NELL2: variants seen among roughly 807,000 people sequenced by gnomAD.
The protein encoded by NELL2 is protein kinase C-binding protein NELL2.
Under a neutral mutation model 109.6 loss-of-function variants are expected in NELL2, and 41 were observed. The observed-to-expected ratio is 0.37, with a 90% confidence interval of 0.29 to 0.49. The LOEUF is 0.49. Ranked by LOEUF, NELL2 falls within the 20% of genes least tolerant of loss-of-function variation. The pLI is 0.98. For missense variants in NELL2, 900 were observed against 1,008.3 expected (o/e 0.89, Z 1.45); for synonymous variants, 355 against 344.7 (o/e 1.03, Z -0.33).
At chr12:44,672,828 G>T (rs2136353426) in intron 12 of NELL2, among the ~76,000 whole-genome samples, 1 of 152,236 alleles carries the variant, frequency 6.6e-6, no homozygotes, top group Middle Eastern at 3.4e-3. Context: ...TTCAGTGTTG[G>T]GTCTACATCC....
intron 13 of NELL2, among the ~76,000 whole-genome samples, chr12:44,637,131 A>T (rs538178546): frequency 2.3e-4 from 34 of 150,722 alleles, no homozygotes; most frequent in Non-Finnish European, 4.0e-4. Context: ...TGTCTATTTG[A>T]TTCTTCTCTC....
At chr12:44,665,374 T>C (rs1947886699) in intron 13 of NELL2, 110 bp downstream of exon 13, 1 of 877,854 alleles carries the variant, frequency 1.1e-6, no homozygotes. Context: ...ATTTTGCTAA[T>C]GTTTTGTTGT....
chr12:44,829,386 T>C (rs1195163158), intron 2 of NELL2, among the ~76,000 whole-genome samples: 1 of 152,174 alleles, frequency 6.6e-6, no homozygotes, highest in Non-Finnish European at 1.5e-5. Context: ...TAGACTTTTA[T>C]TTAAACCAAT....
At chr12:44,802,242 G>T (rs1437050367) in intron 3 of NELL2, among the ~76,000 whole-genome samples, 1 of 151,918 alleles carries the variant, frequency 6.6e-6, no homozygotes, top group Admixed American at 6.6e-5. Flanking sequence ...TTCAGTTACT[G>T]GCTAGTGGAA....
intron 2 of NELL2, among the ~76,000 whole-genome samples, chr12:44,852,847 C>T (rs887035934): frequency 1.3e-5 from 2 of 151,936 alleles, no homozygotes; most frequent in African/African-American, 4.8e-5. Context: ...GAAATGCAAC[C>T]CAATTATTAA....
intron 9 of NELL2, among the ~76,000 whole-genome samples, chr12:44,724,836 C>G (rs891149936): frequency 2.1e-5 from 3 of 145,048 alleles, no homozygotes; most frequent in Non-Finnish European, 4.5e-5. Flanking sequence ...AAAAAAAAGG[C>G]TAGAGGCATC....
At chr12:44,735,374 C>T (rs2136482999) in intron 9 of NELL2, among the ~76,000 whole-genome samples, 1 of 151,994 alleles carries the variant, frequency 6.6e-6, no homozygotes, top group Admixed American at 6.6e-5. Flanking sequence ...TGTTTATTAT[C>T]CTTCACCAAA....
Position 44,711,323 on chromosome 12 carries a change from G to T in NELL2, c.1158C>A (p.Thr386=). ...AAACTTTGCAACAGCTGTGAGACAA[G>T]GTTATCTGATGAGACTCTGGACAAT... ...ALDCPESHQI[T]LSHSCCKVCK... Residue 386 remains threonine, a synonymous_variant, in exon 11 of 20, where the codon ACC becomes ACA. Transcript: ENST00000429094. 6.2e-7 allele frequency: 1 copy of T among 1,612,552 alleles called. No homozygotes were observed. The highest frequency in any genetic ancestry group is 1.1e-5 in the South Asian group (1 of 91,052).
intron 13 of NELL2, among the ~76,000 whole-genome samples, chr12:44,619,855 C>T (rs1945982864): frequency 6.6e-6 from 1 of 152,130 alleles, no homozygotes; most frequent in Non-Finnish European, 1.5e-5. Context: ...ATTCACTTTA[C>T]ACATCCAAGC....
intron 13 of NELL2, among the ~76,000 whole-genome samples, chr12:44,648,331 C>A (rs753198300): frequency 6.6e-6 from 1 of 152,150 alleles, no homozygotes; most frequent in Non-Finnish European, 1.5e-5. Flanking sequence ...ACCTTTAGTT[C>A]GCCCCAGGTT....
At chr12:44,822,338 G>A (rs369393624) in intron 2 of NELL2, among the ~76,000 whole-genome samples, 1 of 152,150 alleles carries the variant, frequency 6.6e-6, no homozygotes, top group Non-Finnish European at 1.5e-5. Context: ...ACACCCTTGT[G>A]ATTTTCTGAG....
intron 13 of NELL2, among the ~76,000 whole-genome samples, chr12:44,641,799 C>A (rs1476193604): frequency 6.8e-6 from 1 of 147,026 alleles, no homozygotes; most frequent in African/African-American, 2.5e-5. Context: ...CGGGTTCAGG[C>A]AATTTTCCTG....
At chr12:44,624,587 T>C (rs139449416) in intron 13 of NELL2, among the ~76,000 whole-genome samples, 2 of 152,238 alleles carry the variant, frequency 1.3e-5, no homozygotes, top group South Asian at 2.1e-4. Flanking sequence ...TCTACACATG[T>C]TCCATATATC....
At chr12:44,656,556 C>A (rs548770705) in intron 13 of NELL2, among the ~76,000 whole-genome samples, 1 of 152,330 alleles carries the variant, frequency 6.6e-6, no homozygotes, top group East Asian at 1.9e-4. Context: ...TTAAACATTT[C>A]TTTTGCAGTA....
At chr12:44,571,262 C>G (rs763094294) in intron 15 of NELL2, among the ~76,000 whole-genome samples, 11 of 152,134 alleles carry the variant, frequency 7.2e-5, no homozygotes, top group Non-Finnish European at 1.5e-4. Flanking sequence ...ATTCTCCCCT[C>G]TTTATATATT....
chr12:44,852,413 A>T (rs1259061057), intron 2 of NELL2, among the ~76,000 whole-genome samples: 1 of 152,186 alleles, frequency 6.6e-6, no homozygotes, highest in Non-Finnish European at 1.5e-5. Context: ...GTAGCTCAGC[A>T]TTTGCACCTC....
intron 11 of NELL2, among the ~76,000 whole-genome samples, chr12:44,707,759 C>T (rs1341973998): frequency 6.6e-6 from 1 of 152,050 alleles, no homozygotes; most frequent in Non-Finnish European, 1.5e-5. Context: ...AGGAATAAAA[C>T]TAAATCTTTT....
chr12:44,795,104 G>C (rs1042079034), intron 3 of NELL2, among the ~76,000 whole-genome samples: 19 of 152,036 alleles, frequency 1.2e-4, no homozygotes, highest in Admixed American at 5.2e-4. Flanking sequence ...CAAGATCAAA[G>C]GATAAAAATA....
At chr12:44,850,509 G>A (rs1944502799) in intron 2 of NELL2, among the ~76,000 whole-genome samples, 1 of 151,890 alleles carries the variant, frequency 6.6e-6, no homozygotes, top group Non-Finnish European at 1.5e-5. Flanking sequence ...TTTTTAAATT[G>A]TTATAATTTA....
Sources: allele counts gnomAD v4.1 joint callset (sites outside exome capture counted in the v4.1 genomes callset), GRCh38; gene constraint gnomAD v4.1.1; transcripts MANE v1.5; gene names NCBI Gene and HGNC (gene_info 2026-07-23, HGNC 2026-07-21).